The following HEMK2 variants were observed in gnomAD, a reference collection of about 807,000 sequenced individuals.
HEMK2 encodes methyltransferase HEMK2.
chr21:28,665,390 T>TAAAA, the HEMK2 span, among the ~76,000 whole-genome samples: 1 of 73,422 alleles, frequency 1.4e-5, no homozygotes, highest in African/African-American at 6.6e-5. Context: ...TTTTTTAATT[T>TAAAA]TTTTTTTTTT....
the HEMK2 span, chr21:28,878,112 T>C: frequency 6.1e-4 from 773 of 1,270,572 alleles, no homozygotes; most frequent in Middle Eastern, 5.8e-3. Context: ...CCAGGTTATC[T>C]TATAAATTAA....
At chr21:28,714,949 C>T in the HEMK2 span, among the ~76,000 whole-genome samples, 1 of 152,168 alleles carries the variant, frequency 6.6e-6, no homozygotes, top group Non-Finnish European at 1.5e-5. Context: ...GCTCCATCCA[C>T]ACTGCTGCAA....
chr21:28,790,624 T>C, the HEMK2 span, among the ~76,000 whole-genome samples: 1 of 152,206 alleles, frequency 6.6e-6, no homozygotes, highest in South Asian at 2.1e-4. Context: ...GATCTATCCA[T>C]AGTCACTGAA....
At chr21:28,586,144 T>C in the HEMK2 span, among the ~76,000 whole-genome samples, 1 of 152,200 alleles carries the variant, frequency 6.6e-6, no homozygotes, top group South Asian at 2.1e-4. Flanking sequence ...CTTTGCGATG[T>C]TTGAATTTCT....
the HEMK2 span, among the ~76,000 whole-genome samples, chr21:28,633,909 C>A: frequency 4.8e-4 from 73 of 152,304 alleles, no homozygotes; most frequent in Non-Finnish European, 8.5e-4. Flanking sequence ...ACAGGAATAA[C>A]CTACTGTGAA....
chr21:28,780,231 G>A, the HEMK2 span, among the ~76,000 whole-genome samples: 4 of 152,090 alleles, frequency 2.6e-5, no homozygotes, highest in African/African-American at 9.6e-5. Context: ...AGGCTGGAGT[G>A]CATTGGCACA....
the HEMK2 span, among the ~76,000 whole-genome samples, chr21:28,647,442 A>G: frequency 7.1e-6 from 1 of 141,008 alleles, no homozygotes; most frequent in African/African-American, 2.6e-5. Context: ...TGGAAGGCAG[A>G]GGTTGCAGTG....
the HEMK2 span, chr21:28,879,986 A>G: frequency 7.1e-7 from 1 of 1,404,468 alleles, no homozygotes; most frequent in East Asian, 2.3e-5. Flanking sequence ...AGAATTTTAC[A>G]TTAAACTCTG....
chr21:28,680,028 G>C, the HEMK2 span, among the ~76,000 whole-genome samples: 2 of 152,268 alleles, frequency 1.3e-5, no homozygotes, highest in East Asian at 3.9e-4. Flanking sequence ...AAAGCTAGCA[G>C]AAGGCAAGAA....
chr21:28,681,729 C>G, the HEMK2 span, among the ~76,000 whole-genome samples: 1 of 151,456 alleles, frequency 6.6e-6, no homozygotes, highest in South Asian at 2.1e-4. Flanking sequence ...CAGAACAGAG[C>G]CCTCAGAAAT....
At chr21:28,654,021 T>C in the HEMK2 span, among the ~76,000 whole-genome samples, 1 of 152,186 alleles carries the variant, frequency 6.6e-6, no homozygotes, top group Non-Finnish European at 1.5e-5. Context: ...GGAATTATTG[T>C]TGACCAATGG....
chr21:28,695,494 G>A, the HEMK2 span, among the ~76,000 whole-genome samples: 434 of 152,232 alleles, frequency 2.9e-3, 2 homozygotes, highest in African/African-American at 5.9e-3. Context: ...AGGTGAATGA[G>A]GAACAAAGTC....
the HEMK2 span, among the ~76,000 whole-genome samples, chr21:28,823,716 C>A: frequency 3.3e-5 from 5 of 152,166 alleles, no homozygotes; most frequent in Non-Finnish European, 7.3e-5. Context: ...GCCCGCAAAT[C>A]CTAGGACCTA....
At chr21:28,739,411 AAATAT>A in the HEMK2 span, among the ~76,000 whole-genome samples, 1 of 152,262 alleles carries the variant, frequency 6.6e-6, no homozygotes, top group African/African-American at 2.4e-5. Context: ...AGAAGGAACT[AAATAT>A]AATATGGTAT....
At chr21:28,862,712 A>G in the HEMK2 span, among the ~76,000 whole-genome samples, 34 of 151,868 alleles carry the variant, frequency 2.2e-4, no homozygotes, top group East Asian at 4.3e-3. Flanking sequence ...AGAAAGAAGG[A>G]CTGTAATTGT....
chr21:28,843,370 G>A, the HEMK2 span, among the ~76,000 whole-genome samples: 84 of 152,092 alleles, frequency 5.5e-4, no homozygotes, highest in African/African-American at 1.9e-3. Flanking sequence ...AGAACAGCAT[G>A]GGGGAAACAA....
At chr21:28,579,160 C>T in the HEMK2 span, among the ~76,000 whole-genome samples, 1 of 152,230 alleles carries the variant, frequency 6.6e-6, no homozygotes, top group South Asian at 2.1e-4. Flanking sequence ...CATATCAATG[C>T]AAATGAATTC....
chr21:28,861,667 G>T, the HEMK2 span, among the ~76,000 whole-genome samples: 1 of 152,174 alleles, frequency 6.6e-6, no homozygotes, highest in Non-Finnish European at 1.5e-5. Context: ...TAGAATGGTG[G>T]ATTAGCCTTT....
chr21:28,636,058 CTG>C, the HEMK2 span, among the ~76,000 whole-genome samples: 1 of 152,210 alleles, frequency 6.6e-6, no homozygotes, highest in Non-Finnish European at 1.5e-5. Flanking sequence ...CTTATCCACA[CTG>C]TGCTTGTTCC....
Sources: gnomAD v4.1 joint callset for allele counts (sites outside exome capture counted in the v4.1 genomes callset) on GRCh38, gnomAD v4.1.1 for gene constraint, MANE v1.5 for transcripts, NCBI Gene and HGNC (gene_info 2026-07-23, HGNC 2026-07-21) for gene names.